The following RSBN1L variants were observed in gnomAD, a reference collection of about 807,000 sequenced individuals.
The protein encoded by RSBN1L is round spermatid basic protein 1 like.
In RSBN1L, 30 loss-of-function variants were observed where a neutral mutation model predicts 67.7. The ratio of observed to expected loss-of-function variants is 0.44; its 90% CI spans 0.33 to 0.60. The LOEUF is 0.60. Among genes scored for constraint, RSBN1L ranks in the 20% least tolerant of loss-of-function variants. The pLI is 0.02. For missense variants in RSBN1L, 992 were observed against 1,031.7 expected (o/e 0.96, Z 0.53); for synonymous variants, 433 against 387.0 (o/e 1.12, Z -1.39).
At position 77,755,933 on chromosome 7, in the gene RSBN1L, C is replaced by T. The variant is rs117772907; in HGVS notation, c.1344+5869C>T. Among the ~76,000 whole-genome samples, 127 of 152,246 alleles carry T rather than the reference C, an allele frequency of 8.3e-4. 4 individuals carry two copies. In the East Asian group the frequency reaches 0.022, roughly 26 times the overall value. The stretch of plus-strand genomic sequence containing the variant: ...TTCTACAGAGCAGAGGAAAGCAGAA[C>T]TGTAGAGAAAAGTTCTGTACCTGAC... On this transcript the variant is annotated intron_variant, in intron 3 of 7. Coordinates refer to ENST00000334955, the MANE Select transcript of RSBN1L (RefSeq NM_198467.3).
chr7:77,779,355 TA>T lies in RSBN1L; in HGVS notation c.*190del, dbSNP rs1791963968. 5 of 478,888 alleles carry T rather than the reference TA, an allele frequency of 1.0e-5. No individual in the cohort carries two copies. Among genetic ancestry groups the T allele is most frequent in the Non-Finnish European group, 1.9e-5 (5 of 268,476 alleles). The allele number at this position is 478,888 out of a possible 1,614,324, so 29.7% of individuals were successfully genotyped here. On this transcript the variant is annotated 3_prime_UTR_variant, in exon 8 of 8. Coordinates refer to ENST00000334955, the MANE Select transcript of RSBN1L (RefSeq NM_198467.3). ...TAAGCACTTAGGGCCAGATGCACTG[TA>T]AACATTGCAGGTTTAAACATAAAGG...
chr7:77,697,083 G>GAGGGC, intron 1 of RSBN1L, 28 bp downstream of exon 1: 2 of 1,362,706 alleles, frequency 1.5e-6, no homozygotes, highest in Non-Finnish European at 1.9e-6. Flanking sequence ...AGGGGGAGGG[G>GAGGGC]AGGGCGCCGT....
At chr7:77,736,700 T>C (rs1791341664) in intron 2 of RSBN1L, among the ~76,000 whole-genome samples, 174 bp downstream of exon 2, 2 of 152,216 alleles carry the variant, frequency 1.3e-5, no homozygotes, top group South Asian at 4.1e-4. Flanking sequence ...TATGGTAACA[T>C]GTCTTATAGT....
chr7:77,769,506 A>G (rs774612822), intron 5 of RSBN1L, among the ~76,000 whole-genome samples: 5 of 152,244 alleles, frequency 3.3e-5, no homozygotes, highest in Non-Finnish European at 5.9e-5. Context: ...ATTAAGCATC[A>G]CAGATAAAAC....
Position 77,696,897 on chromosome 7 carries a change from T to A in RSBN1L, c.428T>A (p.Leu143His). 1 of 1,605,890 alleles carries A rather than the reference T, an allele frequency of 6.2e-7. No homozygotes were observed. The highest frequency in any genetic ancestry group is 8.5e-7 in the Non-Finnish European group (1 of 1,179,532). The change falls in exon 1 of 8, where the codon CTC (leucine) becomes CAC (histidine). Residue 143 changes from leucine (L) to histidine (H), a missense_variant. By Grantham distance (99) the Leu-to-His change is moderately conservative (BLOSUM62 -3). Transcript: ENST00000334955. ...TLLHAQPHHLLLPAAAAAASA... is the reference protein window; with the variant it reads ...TLLHAQPHHLHLPAAAAAASA... ...CTGCACGCTCAGCCTCACCATCTCC[T>A]CCTGCCCGCCGCCGCCGCCGCTGCC...
rs1464945282 is a variant in RSBN1L at position 77,748,138 on chromosome 7, G to C, written c.704-1286G>C. Among the ~76,000 whole-genome samples the C allele has an allele frequency of 4.6e-5, 7 of 152,094 alleles. 1 individual carries two copies. The South Asian group carries it at 8.3e-4, about 18-fold the overall frequency. ...AAGAGATTATAGGTAGACATTGAGAGCTCTTGAAAGCAGTTTAGCTAAGGA... is the reference window on the plus strand; with the variant it reads ...AAGAGATTATAGGTAGACATTGAGACCTCTTGAAAGCAGTTTAGCTAAGGA... On this transcript the variant is annotated intron_variant, in intron 2 of 7. Transcript: ENST00000334955.
intron 1 of RSBN1L, among the ~76,000 whole-genome samples, chr7:77,712,153 A>G (rs904859408): frequency 4.1e-4 from 62 of 152,146 alleles, no homozygotes; most frequent in African/African-American, 1.4e-3. Flanking sequence ...TTAGGAAGAA[A>G]AGCATCTGAA....
chr7:77,744,200 TA>T (rs949822793), intron 2 of RSBN1L, among the ~76,000 whole-genome samples: 19 of 148,332 alleles, frequency 1.3e-4, no homozygotes, highest in East Asian at 7.9e-4. Context: ...CCCAGCTAAT[TA>T]AAAAAAAAAG....
chr7:77,698,274 G>T (rs1240386491), intron 1 of RSBN1L, among the ~76,000 whole-genome samples: 1 of 152,198 alleles, frequency 6.6e-6, no homozygotes, highest in Admixed American at 6.5e-5. Flanking sequence ...TCAGCTTCTG[G>T]GAGTGTTGTT....
intron 3 of RSBN1L, among the ~76,000 whole-genome samples, chr7:77,761,391 T>G (rs551144107): frequency 7.2e-5 from 11 of 152,352 alleles, no homozygotes; most frequent in Admixed American, 6.5e-4. Context: ...CTGTGATTAT[T>G]TAGAGATTCT....
rs148736768 is a variant in RSBN1L at position 77,764,477 on chromosome 7, C to A, written c.1345-1018C>A. Among the ~76,000 whole-genome samples, 6 of 152,228 alleles carry A rather than the reference C, an allele frequency of 3.9e-5. No homozygotes were observed. In the East Asian group the frequency reaches 1.2e-3, roughly 29 times the overall value. On this transcript the variant is annotated intron_variant, in intron 3 of 7. Transcript: ENST00000334955. ...AGCATTATGGCAGGTGAGTTTATATCATTATCAAATTTTCTTCAGCAATCT... is the reference window on the plus strand; with the variant it reads ...AGCATTATGGCAGGTGAGTTTATATAATTATCAAATTTTCTTCAGCAATCT...
chr7:77,722,868 G>A (rs1029951988), intron 1 of RSBN1L, among the ~76,000 whole-genome samples: 1 of 151,876 alleles, frequency 6.6e-6, no homozygotes, highest in African/African-American at 2.4e-5. Flanking sequence ...TTCAGGGCAG[G>A]CAAAACTGTG....
At chr7:77,768,533 T>G (rs1204499293) in intron 4 of RSBN1L, 128 bp from the exon 5 acceptor site, 11 of 769,096 alleles carry the variant, frequency 1.4e-5, no homozygotes, top group Non-Finnish European at 2.1e-5. Flanking sequence ...CAATATTATG[T>G]ATTTCAGATG....
At chr7:77,741,495 T>C (rs1418573529) in intron 2 of RSBN1L, among the ~76,000 whole-genome samples, 1 of 151,448 alleles carries the variant, frequency 6.6e-6, no homozygotes, top group African/African-American at 2.4e-5. Context: ...ATCAAGACCA[T>C]CCTGGTTAAT....
rs745521264 is a variant in RSBN1L, at chr7:77,749,872, T to C, written c.1152T>C (p.Phe384=). ...PMEMERFAEE[F]VGLVFSENEN... ...AGATGGAGAGGTTTGCAGAAGAGTTTGTGGGTCTAGTGTTCAGTGAAAATG... is the reference window on the plus strand; with the variant it reads ...AGATGGAGAGGTTTGCAGAAGAGTTCGTGGGTCTAGTGTTCAGTGAAAATG... The change falls in exon 3 of 8, where the codon TTT becomes TTC. Residue 384 remains phenylalanine, a synonymous_variant. Coordinates refer to ENST00000334955, the MANE Select transcript of RSBN1L (RefSeq NM_198467.3). The C allele has an allele frequency of 6.2e-7, 1 of 1,614,174 alleles. No individual in the cohort carries two copies. The highest frequency in any genetic ancestry group is 1.7e-5 in the Admixed American group (1 of 60,020).
chr7:77,775,444 G>C (rs1313488965), intron 6 of RSBN1L, among the ~76,000 whole-genome samples: 1 of 152,104 alleles, frequency 6.6e-6, no homozygotes, highest in African/African-American at 2.4e-5. Context: ...CACAAGAATT[G>C]CTTGAACCTG....
chr7:77,698,398 A>G (rs1786371679), intron 1 of RSBN1L, among the ~76,000 whole-genome samples: 1 of 152,220 alleles, frequency 6.6e-6, no homozygotes, highest in Non-Finnish European at 1.5e-5. Context: ...TTTAGGAGAT[A>G]AGTGCCTGGA....
At position 77,779,056 on chromosome 7, in the gene RSBN1L, A is replaced by G. The variant is rs1330751673; in HGVS notation, c.2429A>G (p.Asn810Ser). 6.2e-7 allele frequency: 1 copy of G among 1,613,880 alleles called. No homozygotes were observed. The highest frequency in any genetic ancestry group is 1.3e-5 in the African/African-American group (1 of 74,944). ...IDMDSKFENS[N>S]KDLKEELCPG... ...ATGGATTCTAAATTTGAAAATAGCA[A>G]CAAAGATTTAAAGGAAGAATTGTGC... The change falls in exon 8 of 8, where the codon AAC (asparagine) becomes AGC (serine). Residue 810 changes from asparagine to serine, a missense_variant. Coordinates refer to ENST00000334955, the MANE Select transcript of RSBN1L (RefSeq NM_198467.3).
intron 2 of RSBN1L, among the ~76,000 whole-genome samples, chr7:77,745,690 A>G (rs546570262): frequency 6.6e-6 from 1 of 152,322 alleles, no homozygotes; most frequent in Admixed American, 6.5e-5. Context: ...GACAGATGGG[A>G]TGGTTTCGGG....
Sources: gnomAD v4.1 joint callset for allele counts (sites outside exome capture counted in the v4.1 genomes callset) on GRCh38, gnomAD v4.1.1 for gene constraint, MANE v1.5 for transcripts, NCBI Gene and HGNC (gene_info 2026-07-23, HGNC 2026-07-21) for gene names.